CEP152: variants seen among roughly 807,000 people sequenced by gnomAD.
CEP152 encodes centrosomal protein 152, also known as centrosomal protein of 152 kDa.
CEP152 carries 132 observed loss-of-function variants against 188.9 expected under a neutral mutation model. That is an observed-to-expected ratio of 0.70 (90% CI 0.61 to 0.81). The LOEUF (loss-of-function observed/expected upper bound fraction) is 0.81. CEP152 is among the 30% of genes least tolerant of loss of function. CEP152 has a pLI of 0.00. For synonymous variants in CEP152, 649 were observed against 666.6 expected (o/e 0.97, Z 0.41); for missense variants, 1,914 against 1,969.8 (o/e 0.97, Z 0.54).
intron 1 of CEP152, among the ~76,000 whole-genome samples, chr15:48,807,314 A>G (rs750571987): frequency 3.9e-5 from 6 of 152,246 alleles, no homozygotes; most frequent in Non-Finnish European, 8.8e-5. Flanking sequence ...GGAAAAACAC[A>G]CAATCTCATG....
At chr15:48,756,990 T>G (rs531008135) in intron 19 of CEP152, among the ~76,000 whole-genome samples, 41 of 152,348 alleles carry the variant, frequency 2.7e-4, no homozygotes, top group African/African-American at 9.6e-4. Flanking sequence ...TAAGTGTAAC[T>G]GTATTTTAAT....
At position 48,738,939 on chromosome 15, in the gene CEP152, T is replaced by G; in HGVS notation, c.4443A>C (p.Leu1481=). Residue 1481 remains leucine, a synonymous_variant, in exon 27 of 27, where the codon CTA becomes CTC. Transcript: ENST00000380950. The part of the protein sequence containing the change: ...GGFGLHKKKD[L]LSDNGSESLP... The stretch of plus-strand genomic sequence containing the variant: ...GTGATTCAGAACCATTATCACTGAG[T>G]AGGTCTTTCTTCTTGTGCAAACCAA... The G allele has an allele frequency of 6.2e-7, 1 of 1,613,982 alleles. No homozygotes were observed. The highest frequency in any genetic ancestry group is 8.5e-7 in the Non-Finnish European group (1 of 1,179,928).
Position 48,737,983 on chromosome 15 carries a change from TGA to T in CEP152, c.*264_*265del. The T allele has an allele frequency of 2.7e-6, 1 of 373,484 alleles. No individual in the cohort carries two copies. The highest frequency in any genetic ancestry group is 4.8e-6 in the Non-Finnish European group (1 of 207,560). 23.1% of individuals were successfully genotyped at this position (373,484 alleles called of 1,614,324 possible). The stretch of plus-strand genomic sequence containing the variant: ...ATTTAAATAAGTTAACACTGCAGAG[TGA>T]GTCAATTTATAAGTATAAAAATAGA... On this transcript the variant is annotated 3_prime_UTR_variant, in exon 27 of 27. Coordinates refer to ENST00000380950, the MANE Select transcript of CEP152 (RefSeq NM_001194998.2).
At chr15:48,783,080 A>G (rs1343778731) in intron 10 of CEP152, 1 of 152,208 alleles carries the variant, frequency 6.6e-6, no homozygotes. Flanking sequence ...TACCTTTCAT[A>G]TGCCAAAGTG....
At position 48,808,836 on chromosome 15, in the gene CEP152, T is replaced by C. The variant is rs932216098; in HGVS notation, c.-8+2125A>G. ...AATACTATGCCACTAGTAAAAATAC[T>C]GAAAATTTTCTATATCTATTGACTC... is the stretch of plus-strand genomic sequence containing the variant. On this transcript the variant is annotated intron_variant, in intron 1 of 26. Coordinates refer to ENST00000380950, the MANE Select transcript of CEP152 (RefSeq NM_001194998.2). Among the ~76,000 whole-genome samples the C allele has an allele frequency of 3.9e-5, 6 of 152,210 alleles. 1 individual carries two copies. The highest frequency in any genetic ancestry group is 6.3e-3 in the Middle Eastern group (2 of 316).
chr15:48,789,238 C>T, intron 8 of CEP152: 1 of 552,192 alleles, frequency 1.8e-6, no homozygotes, highest in Admixed American at 3.1e-5. Flanking sequence ...TGGTAGATAC[C>T]TGAGGGGAGT....
intron 26 of CEP152, chr15:48,741,281 C>A: frequency 1.7e-6 from 2 of 1,181,382 alleles, no homozygotes; most frequent in Non-Finnish European, 2.1e-6. Context: ...AGGTGTGAGC[C>A]ATGATGCCTG....
At position 48,793,473 on chromosome 15, in the gene CEP152, A is replaced by G. The variant is rs769401274; in HGVS notation, c.692-12T>C. On this transcript the variant is annotated splice_polypyrimidine_tract_variant and intron_variant, in intron 6 of 26. Transcript: ENST00000380950. Reference sequence around the variant, plus strand: ...ATTTTCTGCAGAGTCTGGGAATTAAAGACAATTTATTAGATAAAAACATAC... The same window carrying G: ...ATTTTCTGCAGAGTCTGGGAATTAAGGACAATTTATTAGATAAAAACATAC... 92 of 1,610,178 alleles carry G rather than the reference A, an allele frequency of 5.7e-5. No homozygotes were observed. In the Middle Eastern group the frequency reaches 2.1e-3, roughly 36 times the overall value.
intron 6 of CEP152, among the ~76,000 whole-genome samples, 156 bp from the exon 7 acceptor site, chr15:48,793,617 T>A (rs539257064): frequency 2.6e-5 from 4 of 152,200 alleles, no homozygotes; most frequent in Non-Finnish European, 4.4e-5. Context: ...AGAGAGAGAA[T>A]ATATCAGAGT....
rs767635813 is a variant in CEP152 at position 48,797,586 on chromosome 15, G to C, written c.262-7C>G. On this transcript the variant is annotated splice_polypyrimidine_tract_variant and splice_region_variant and intron_variant, in intron 4 of 26. Coordinates refer to ENST00000380950, the MANE Select transcript of CEP152 (RefSeq NM_001194998.2). ...TCTGAATTTCATTATAGCCCTATTA[G>C]ATAACAAGAGTAAAACAAAAGCACG... is the stretch of plus-strand genomic sequence containing the variant. 35 of 1,613,918 alleles carry C rather than the reference G, an allele frequency of 2.2e-5. No homozygotes were observed. The highest frequency in any genetic ancestry group is 3.0e-5 in the Non-Finnish European group (35 of 1,179,970).
At chr15:48,799,004 T>G (rs1897504940) in intron 2 of CEP152, among the ~76,000 whole-genome samples, 1 of 152,156 alleles carries the variant, frequency 6.6e-6, no homozygotes, top group South Asian at 2.1e-4. Flanking sequence ...TACTAAATAC[T>G]TTTTAGGGAA....
At chr15:48,783,039 C>T (rs1896361786) in intron 10 of CEP152, among the ~76,000 whole-genome samples, 1 of 152,136 alleles carries the variant, frequency 6.6e-6, no homozygotes, top group Non-Finnish European at 1.5e-5. Context: ...GAATAGCCCA[C>T]CCTTTCACAT....
rs1365967421 is a variant in CEP152 at position 48,738,298 on chromosome 15, G to C, written c.5084C>G (p.Ser1695Cys). 2 of 1,613,990 alleles carry C rather than the reference G, an allele frequency of 1.2e-6. No homozygotes were observed. Among genetic ancestry groups the C allele is most frequent in the Non-Finnish European group, 1.7e-6 (2 of 1,179,910 alleles). Residue 1695 changes from serine to cysteine, a missense_variant, in exon 27 of 27, where the codon TCT (serine) becomes TGT (cysteine). Ser to Cys is a moderately radical substitution (Grantham distance 112). Coordinates refer to ENST00000380950, the MANE Select transcript of CEP152 (RefSeq NM_001194998.2). ...QPSRKLIVPL[S>C]SQQDSGFDSP... is the part of the protein sequence containing the mutation. ...ATCAAAGCCACTATCTTGTTGGCTA[G>C]ATAGCGGAACAATTAATTTTCTTGA...
At chr15:48,797,848 T>A in intron 3 of CEP152, 100 bp downstream of exon 3, 3 of 1,489,142 alleles carry the variant, frequency 2.0e-6, no homozygotes, top group Non-Finnish European at 2.8e-6. Flanking sequence ...ATTTTAAGAA[T>A]CAATTTACAA....
chr15:48,772,408 C>T (rs968775119), intron 13 of CEP152, 79 bp downstream of exon 13: 58 of 1,220,334 alleles, frequency 4.8e-5, no homozygotes, highest in Non-Finnish European at 6.8e-5. Context: ...GACGCCCTGT[C>T]TCAAAAAAAA....
intron 19 of CEP152, 128 bp downstream of exon 19, chr15:48,760,007 T>C: frequency 2.5e-6 from 3 of 1,217,852 alleles, no homozygotes; most frequent in Non-Finnish European, 3.6e-6. Context: ...TTTGAGCTAT[T>C]GCTTAACATG....
At position 48,795,987 on chromosome 15, in the gene CEP152, A is replaced by G. The variant is rs1223512710; in HGVS notation, c.691+23T>C. On this transcript the variant is annotated intron_variant, in intron 6 of 26. Transcript: ENST00000380950. ...TTCCCCAATTATGTGGTATTAAAAA[A>G]TAAATATAAACTTGATACCTACTCT... The G allele has an allele frequency of 1.9e-6, 3 of 1,607,266 alleles. No homozygotes were observed. The East Asian group carries it at 6.7e-5, about 36-fold the overall frequency.
intron 3 of CEP152, 62 bp downstream of exon 3, chr15:48,797,886 C>CT (rs1897411927): frequency 1.3e-6 from 2 of 1,500,110 alleles, no homozygotes; most frequent in Non-Finnish European, 1.8e-6. Context: ...TATTAATCTT[C>CT]ATCAAAAGAA....
downstream of CEP152, among the ~76,000 whole-genome samples, chr15:48,736,597 C>A (rs1199544294): frequency 6.6e-6 from 1 of 152,172 alleles, no homozygotes; most frequent in African/African-American, 2.4e-5. Context: ...TCATATTTAT[C>A]ATAATAGAAT....
Sources: gnomAD v4.1 joint callset for allele counts (sites outside exome capture counted in the v4.1 genomes callset) on GRCh38, gnomAD v4.1.1 for gene constraint, MANE v1.5 for transcripts, NCBI Gene and HGNC (gene_info 2026-07-23, HGNC 2026-07-21) for gene names.